NCAM2: variants seen among roughly 807,000 people sequenced by gnomAD.
NCAM2 encodes the protein neural cell adhesion molecule 2, also known as N-CAM-2.
Under a neutral mutation model 98.1 loss-of-function variants are expected in NCAM2, and 30 were observed. The observed-to-expected ratio is 0.31, with a 90% CI of 0.23 to 0.41. NCAM2 has a LOEUF of 0.41. NCAM2 is among the 10% of genes least tolerant of loss of function. The pLI is 1.00. For synonymous variants in NCAM2, 368 were observed against 342.4 expected (o/e 1.07, Z -0.83); for missense variants, 867 against 1,005.8 (o/e 0.86, Z 1.87).
At position 21,218,824 on chromosome 21, in the gene NCAM2, A is replaced by G. The variant is rs901555731; in HGVS notation, c.56-61754A>G. Among the ~76,000 whole-genome samples, 22 of 152,344 alleles carry G rather than the reference A, an allele frequency of 1.4e-4. No individual in the cohort carries two copies. In the East Asian group the frequency reaches 2.1e-3, roughly 15 times the overall value. On this transcript the variant is annotated intron_variant, in intron 1 of 17. Transcript: ENST00000400546. ...TTTGGGAGACCGAGGTGGGCAGATC[A>G]TCTGAGGTCAGGTGTTCAAGTCTAG... is the stretch of plus-strand genomic sequence containing the variant.
chr21:21,083,235 A>C (rs1051339514), intron 1 of NCAM2, among the ~76,000 whole-genome samples: 1 of 152,190 alleles, frequency 6.6e-6, no homozygotes, highest in African/African-American at 2.4e-5. Context: ...AGATGACTGA[A>C]TGAATGAATA....
At chr21:21,298,669 C>G (rs1448852665) in intron 5 of NCAM2, among the ~76,000 whole-genome samples, 2 of 151,470 alleles carry the variant, frequency 1.3e-5, no homozygotes. Flanking sequence ...CTAGGCACAT[C>G]TTTCTTTGCT....
chr21:21,127,336 C>T (rs560692829), intron 1 of NCAM2, among the ~76,000 whole-genome samples: 7 of 151,698 alleles, frequency 4.6e-5, no homozygotes, highest in South Asian at 2.1e-4. Flanking sequence ...TTTTTTGATA[C>T]GAAATAATTG....
chr21:21,252,833 C>G (rs992410539), intron 1 of NCAM2, among the ~76,000 whole-genome samples: 2 of 152,086 alleles, frequency 1.3e-5, no homozygotes, highest in Admixed American at 1.3e-4. Context: ...CCTGTTCTTG[C>G]AGGGACATTG....
At chr21:21,410,063 G>GCGGA (rs2076824462) in intron 9 of NCAM2, among the ~76,000 whole-genome samples, 1 of 152,048 alleles carries the variant, frequency 6.6e-6, no homozygotes, top group African/African-American at 2.4e-5. Context: ...AACCCAGGAG[G>GCGGA]CGGAGCTTGC....
intron 1 of NCAM2, among the ~76,000 whole-genome samples, chr21:21,251,142 C>G (rs541123950): frequency 6.6e-6 from 1 of 152,084 alleles, no homozygotes; most frequent in South Asian, 2.1e-4. Flanking sequence ...CTAACATAAG[C>G]CAGAATTATT....
At chr21:21,147,179 G>A in intron 1 of NCAM2, 3 of 971,916 alleles carry the variant, frequency 3.1e-6, no homozygotes, top group Non-Finnish European at 2.4e-6. Flanking sequence ...AGCTGGTACC[G>A]CTGCCTTCTA....
chr21:21,451,655 T>G (rs1379899784), intron 12 of NCAM2, among the ~76,000 whole-genome samples: 1 of 152,104 alleles, frequency 6.6e-6, no homozygotes, highest in Non-Finnish European at 1.5e-5. Flanking sequence ...TCTACTGGGT[T>G]ATCTAACATT....
intron 6 of NCAM2, among the ~76,000 whole-genome samples, chr21:21,331,286 G>T (rs921966816): frequency 6.6e-6 from 1 of 151,090 alleles, no homozygotes; most frequent in South Asian, 2.1e-4. Context: ...ATAGACATGC[G>T]CCACAATGCC....
chr21:21,139,016 C>A (rs1341582986), intron 1 of NCAM2, among the ~76,000 whole-genome samples: 2 of 152,118 alleles, frequency 1.3e-5, no homozygotes, highest in African/African-American at 4.8e-5. Context: ...ATTCCCTGAA[C>A]CTGTGAATAA....
intron 1 of NCAM2, 116 bp downstream of exon 1, chr21:20,998,734 C>T: frequency 1.0e-6 from 1 of 980,658 alleles, no homozygotes; most frequent in East Asian, 2.6e-5. Flanking sequence ...ACAGTTATTG[C>T]TGTTGTTGTT....
chr21:21,475,319 A>C (rs1985025514), intron 14 of NCAM2, among the ~76,000 whole-genome samples: 1 of 152,072 alleles, frequency 6.6e-6, no homozygotes, highest in Admixed American at 6.6e-5. Context: ...ATGTGCCTCC[A>C]TTCCACCTTC....
intron 1 of NCAM2, among the ~76,000 whole-genome samples, chr21:21,208,593 G>A (rs2069527890): frequency 6.6e-6 from 1 of 151,998 alleles, no homozygotes; most frequent in Non-Finnish European, 1.5e-5. Context: ...TTCATTCAGT[G>A]GGTTTATTTG....
intron 1 of NCAM2, among the ~76,000 whole-genome samples, chr21:21,205,858 C>T (rs1316133415): frequency 6.6e-6 from 1 of 152,000 alleles, no homozygotes; most frequent in East Asian, 1.9e-4. Flanking sequence ...TTTAGTGGTG[C>T]ACTCACATGG....
intron 1 of NCAM2, among the ~76,000 whole-genome samples, chr21:21,260,218 C>T (rs191064421): frequency 9.2e-5 from 14 of 151,864 alleles, no homozygotes; most frequent in Non-Finnish European, 1.2e-4. Flanking sequence ...ACCAAACCCA[C>T]GACTTATTGG....
intron 1 of NCAM2, 119 bp downstream of exon 1, chr21:20,998,737 T>C (rs2146088768): frequency 2.1e-6 from 2 of 955,602 alleles, no homozygotes; most frequent in Non-Finnish European, 3.2e-6. Context: ...GTTATTGCTG[T>C]TGTTGTTATT....
chr21:21,149,261 T>G (rs945573453), intron 1 of NCAM2, among the ~76,000 whole-genome samples: 2 of 152,198 alleles, frequency 1.3e-5, no homozygotes, highest in Non-Finnish European at 2.9e-5. Context: ...CTGCAGTTCA[T>G]TTTTGGAGAA....
At chr21:21,520,229 T>C (rs1446722868) in intron 16 of NCAM2, among the ~76,000 whole-genome samples, 2 of 152,276 alleles carry the variant, frequency 1.3e-5, no homozygotes, top group East Asian at 3.9e-4. Flanking sequence ...GCAGACTCAT[T>C]CCTTTCTATC....
At chr21:21,397,074 G>A (rs914337763) in intron 9 of NCAM2, among the ~76,000 whole-genome samples, 1 of 152,178 alleles carries the variant, frequency 6.6e-6, no homozygotes, top group Non-Finnish European at 1.5e-5. Flanking sequence ...AAAGCTCTCA[G>A]TAGACCCTAA....
Sources: allele counts gnomAD v4.1 joint callset (sites outside exome capture counted in the v4.1 genomes callset), GRCh38; gene constraint gnomAD v4.1.1; transcripts MANE v1.5; gene names NCBI Gene and HGNC (gene_info 2026-07-23, HGNC 2026-07-21).